Variants in EPHA6 observed in about 807,000 individuals in gnomAD.
EPHA6 encodes EPH receptor A6.
In EPHA6, 50 loss-of-function variants were observed where a neutral mutation model predicts 112.0. That is an observed-to-expected ratio of 0.45 (90% CI 0.36 to 0.56). EPHA6 has a LOEUF of 0.56. Among genes scored for constraint, EPHA6 ranks in the 20% least tolerant of loss-of-function variants. The pLI is 0.00. For missense variants in EPHA6, 1,280 were observed against 1,417.4 expected (o/e 0.90, Z 1.56); for synonymous variants, 529 against 490.7 (o/e 1.08, Z -1.03).
intron 2 of EPHA6, among the ~76,000 whole-genome samples, chr3:96,950,705 T>C (rs2041491652): frequency 1.3e-5 from 2 of 152,164 alleles, no homozygotes; most frequent in Non-Finnish European, 2.9e-5. Context: ...TGAGTGTTGC[T>C]ATTGTAGTGT....
At chr3:97,672,196 G>T (rs895209588) in intron 14 of EPHA6, among the ~76,000 whole-genome samples, 2 of 152,096 alleles carry the variant, frequency 1.3e-5, no homozygotes, top group Non-Finnish European at 2.9e-5. Context: ...TCAAGATCTG[G>T]TTCTTACCTA....
intron 14 of EPHA6, among the ~76,000 whole-genome samples, chr3:97,719,831 T>C (rs2034446452): frequency 6.6e-6 from 1 of 152,172 alleles, no homozygotes. Context: ...AATGTTTCCG[T>C]TCTGTATTTA....
intron 14 of EPHA6, among the ~76,000 whole-genome samples, chr3:97,643,948 T>G (rs1477325846): frequency 6.6e-6 from 1 of 151,048 alleles, no homozygotes; most frequent in Non-Finnish European, 1.5e-5. Context: ...CTAATAGACA[T>G]CTACAGAACT....
At chr3:97,443,844 A>G (rs2090227570) in intron 6 of EPHA6, among the ~76,000 whole-genome samples, 1 of 152,136 alleles carries the variant, frequency 6.6e-6, no homozygotes, top group African/African-American at 2.4e-5. Context: ...TAGTGTATAG[A>G]TAGTTAAGAA....
chr3:96,816,721 A>G (rs1370201300), intron 1 of EPHA6, among the ~76,000 whole-genome samples: 2 of 152,144 alleles, frequency 1.3e-5, no homozygotes, highest in South Asian at 2.1e-4. Flanking sequence ...GGCCCAGGGG[A>G]TACTAACATA....
intron 5 of EPHA6, among the ~76,000 whole-genome samples, chr3:97,266,471 G>C (rs1322390896): frequency 6.6e-6 from 1 of 151,738 alleles, no homozygotes; most frequent in African/African-American, 2.4e-5. Flanking sequence ...GATTTAAAGA[G>C]GATCTCATGT....
intron 10 of EPHA6, among the ~76,000 whole-genome samples, chr3:97,496,314 G>A (rs2091977016): frequency 6.6e-6 from 1 of 152,044 alleles, no homozygotes; most frequent in Non-Finnish European, 1.5e-5. Flanking sequence ...TTAATAGTAG[G>A]CAAGAATTAT....
intron 11 of EPHA6, among the ~76,000 whole-genome samples, chr3:97,553,219 C>T (rs903140483): frequency 6.6e-6 from 1 of 151,988 alleles, no homozygotes; most frequent in African/African-American, 2.4e-5. Context: ...CCCCTTCACC[C>T]CTGCTAATCC....
intron 3 of EPHA6, among the ~76,000 whole-genome samples, chr3:97,023,113 C>A (rs2044519126): frequency 6.6e-6 from 1 of 152,146 alleles, no homozygotes; most frequent in South Asian, 2.1e-4. Flanking sequence ...GAGTCTCATT[C>A]TGTTGCCCAG....
chr3:97,226,187 T>G, intron 3 of EPHA6, 77 bp from the exon 4 acceptor site: 1 of 1,179,782 alleles, frequency 8.5e-7, no homozygotes, highest in South Asian at 1.8e-5. Context: ...GAATATAAAT[T>G]AAAGTATGTT....
intron 5 of EPHA6, among the ~76,000 whole-genome samples, chr3:97,260,028 C>T (rs1431928420): frequency 3.3e-5 from 5 of 152,128 alleles, no homozygotes; most frequent in African/African-American, 9.6e-5. Context: ...CTGGAACTCC[C>T]GAACTCAGAT....
intron 1 of EPHA6, among the ~76,000 whole-genome samples, chr3:96,836,814 T>C (rs936557244): frequency 6.7e-6 from 1 of 150,082 alleles, no homozygotes; most frequent in Non-Finnish European, 1.5e-5. Context: ...CCAACACACA[T>C]AGTCTTGTCT....
At chr3:97,314,854 A>C (rs75449371) in intron 5 of EPHA6, among the ~76,000 whole-genome samples, 5,511 of 151,726 alleles carry the variant, frequency 0.036, 298 homozygotes, top group African/African-American at 0.12. Context: ...CATCAATATC[A>C]CACATATCAT....
At position 97,581,102 on chromosome 3, in the gene EPHA6, C is replaced by T. The variant is rs573294423; in HGVS notation, c.2387-11510C>T. Among the ~76,000 whole-genome samples the T allele has an allele frequency of 4.6e-5, 7 of 152,290 alleles. No homozygotes were observed. In the East Asian group the frequency reaches 9.7e-4, roughly 21 times the overall value. ...GTCCAAATTGCTCCACCCTCAAGAT[C>T]GTCTCTCTGTCTGTCTCTTAAATAC... is the stretch of plus-strand genomic sequence containing the variant. On this transcript the variant is annotated intron_variant, in intron 11 of 17. Transcript: ENST00000389672.
chr3:97,075,747 A>C (rs1356780680), intron 3 of EPHA6, among the ~76,000 whole-genome samples: 1 of 151,552 alleles, frequency 6.6e-6, no homozygotes, highest in Non-Finnish European at 1.5e-5. Context: ...GCAATCTTGC[A>C]TAGAGCCAGT....
At chr3:97,128,729 A>T (rs773265091) in intron 3 of EPHA6, among the ~76,000 whole-genome samples, 41 of 152,206 alleles carry the variant, frequency 2.7e-4, no homozygotes, top group Non-Finnish European at 3.8e-4. Flanking sequence ...TATGTTAGCC[A>T]GGCTAGTCTC....
At chr3:97,692,174 GT>G (rs1456194175) in intron 14 of EPHA6, among the ~76,000 whole-genome samples, 1 of 152,040 alleles carries the variant, frequency 6.6e-6, no homozygotes, top group Non-Finnish European at 1.5e-5. Flanking sequence ...TGTATAATTT[GT>G]TTTTTATTTA....
chr3:97,610,702 T>A, intron 12 of EPHA6, 91 bp from the exon 13 acceptor site: 1 of 978,188 alleles, frequency 1.0e-6, no homozygotes, highest in Non-Finnish European at 1.6e-6. Context: ...AAAATACAAA[T>A]AATTTAGTTG....
At chr3:97,324,439 TTC>T (rs1559883849) in intron 5 of EPHA6, among the ~76,000 whole-genome samples, 1 of 147,794 alleles carries the variant, frequency 6.8e-6, no homozygotes, top group Non-Finnish European at 1.5e-5. Flanking sequence ...CTTTCTTTCT[TTC>T]TTTCTTTCTT....
Sources: allele counts gnomAD v4.1 joint callset (sites outside exome capture counted in the v4.1 genomes callset), GRCh38; gene constraint gnomAD v4.1.1; transcripts MANE v1.5; gene names NCBI Gene and HGNC (gene_info 2026-07-23, HGNC 2026-07-21).